PCDH15: variants seen among roughly 807,000 people sequenced by gnomAD.
PCDH15 encodes the protein protocadherin related 15.
Under a neutral mutation model 178.5 loss-of-function variants are expected in PCDH15, and 129 were observed. The observed-to-expected ratio is 0.72, with a 90% confidence interval of 0.63 to 0.84. The LOEUF is 0.84. PCDH15 is among the 40% of genes least tolerant of loss of function. PCDH15 has a pLI of 0.00. For missense variants in PCDH15, 2,230 were observed against 2,099.9 expected (o/e 1.06, Z -1.21); for synonymous variants, 800 against 732.0 (o/e 1.09, Z -1.50).
intron 2 of PCDH15, among the ~76,000 whole-genome samples, chr10:54,930,713 T>C (rs1268366281): frequency 6.6e-6 from 1 of 152,196 alleles, no homozygotes; most frequent in Non-Finnish European, 1.5e-5. Flanking sequence ...ATTAACATGA[T>C]ACTAACTTTC....
At chr10:55,336,100 C>T (rs183420934) in intron 2 of PCDH15, among the ~76,000 whole-genome samples, 167 of 124,590 alleles carry the variant, frequency 1.3e-3, no homozygotes, top group Non-Finnish European at 1.9e-3. Flanking sequence ...ACATGCTATC[C>T]CAAAATATGG....
intron 2 of PCDH15, among the ~76,000 whole-genome samples, chr10:54,647,276 C>T (rs1191115994): frequency 6.6e-6 from 1 of 151,986 alleles, no homozygotes; most frequent in Non-Finnish European, 1.5e-5. Flanking sequence ...GATACCAATC[C>T]TACAAAGTAT....
intron 2 of PCDH15, among the ~76,000 whole-genome samples, chr10:54,972,805 C>T (rs556654581): frequency 4.8e-4 from 68 of 142,262 alleles, no homozygotes; most frequent in African/African-American, 1.4e-3. Flanking sequence ...GCTGACATCG[C>T]GCCACTGCAC....
chr10:54,459,556 T>A (rs2077042537), intron 3 of PCDH15, among the ~76,000 whole-genome samples: 1 of 152,094 alleles, frequency 6.6e-6, no homozygotes, highest in South Asian at 2.1e-4. Flanking sequence ...TTAATATAAT[T>A]AGTCCCATAA....
intron 2 of PCDH15, among the ~76,000 whole-genome samples, chr10:54,566,366 T>G (rs1049182125): frequency 7.2e-5 from 11 of 152,274 alleles, no homozygotes; most frequent in African/African-American, 2.6e-4. Context: ...CTAGTTTATA[T>G]TAGGGTTTAT....
chr10:54,763,620 C>A (rs1159170395), intron 1 of PCDH15, among the ~76,000 whole-genome samples: 2 of 151,712 alleles, frequency 1.3e-5, no homozygotes, highest in Non-Finnish European at 2.9e-5. Flanking sequence ...TTGAAATGTT[C>A]CCAAAACAAA....
At chr10:54,479,092 A>G (rs189558833) in intron 3 of PCDH15, among the ~76,000 whole-genome samples, 63 of 152,096 alleles carry the variant, frequency 4.1e-4, no homozygotes, top group African/African-American at 1.5e-3. Flanking sequence ...ATATGGTAAT[A>G]CGTTTTGAAA....
chr10:54,777,323 C>G (rs1949819790), intron 1 of PCDH15, among the ~76,000 whole-genome samples: 3 of 152,128 alleles, frequency 2.0e-5, no homozygotes, highest in African/African-American at 7.2e-5. Flanking sequence ...TAGTGGTTCT[C>G]TTGAGATGCA....
chr10:54,368,968 A>T, intron 5 of PCDH15, 152 bp downstream of exon 5: 1 of 769,228 alleles, frequency 1.3e-6, no homozygotes, highest in Non-Finnish European at 2.1e-6. Context: ...GAAGTCACAT[A>T]CTTCTTCTGA....
In PCDH15 at chr10:55,443,090, C is replaced by T. The variant is rs1489422683; in HGVS notation, c.-156+184535G>A. On this transcript the variant is annotated intron_variant, in intron 2 of 5. Transcript: ENST00000613346. ...ATTGGGAAAACTGGCTAGCCATATG[C>T]AGAAAACTGAAACTGGACCCCTTCC... Among the ~76,000 whole-genome samples the T allele has an allele frequency of 2.0e-5, 3 of 151,962 alleles. No individual in the cohort carries two copies. In the South Asian group the frequency reaches 6.2e-4, roughly 31 times the overall value.
chr10:54,331,528 A>G (rs1467734705), intron 6 of PCDH15, among the ~76,000 whole-genome samples: 1 of 151,948 alleles, frequency 6.6e-6, no homozygotes, highest in Non-Finnish European at 1.5e-5. Flanking sequence ...GCTTATACCT[A>G]TGAGTGGGGC....
chr10:54,049,611 A>G (rs1590117156), intron 18 of PCDH15, among the ~76,000 whole-genome samples: 1 of 147,358 alleles, frequency 6.8e-6, no homozygotes, highest in African/African-American at 2.5e-5. Context: ...CTTTTTCTGC[A>G]TCTATTGTGA....
At chr10:54,666,557 T>C (rs150444874) in intron 1 of PCDH15, among the ~76,000 whole-genome samples, 8 of 152,150 alleles carry the variant, frequency 5.3e-5, no homozygotes, top group African/African-American at 1.9e-4. Context: ...AAGATTTCTA[T>C]ATACAATGGC....
At chr10:54,456,474 T>C (rs1195538473) in intron 3 of PCDH15, among the ~76,000 whole-genome samples, 1 of 152,204 alleles carries the variant, frequency 6.6e-6, no homozygotes, top group Admixed American at 6.5e-5. Flanking sequence ...ATTTAACCAA[T>C]GACTGTATCC....
chr10:55,126,149 G>T (rs1314766505), intron 2 of PCDH15, among the ~76,000 whole-genome samples: 1 of 151,880 alleles, frequency 6.6e-6, no homozygotes, highest in African/African-American at 2.4e-5. Flanking sequence ...CTTCATGCTG[G>T]TTCCATGTAT....
intron 2 of PCDH15, among the ~76,000 whole-genome samples, chr10:55,414,620 ATATTTTATTC>A (rs1252660582): frequency 6.6e-6 from 1 of 151,576 alleles, no homozygotes; most frequent in African/African-American, 2.4e-5. Flanking sequence ...GTATTAATAA[ATATTTTATTC>A]TTTTTGATGC....
chr10:53,911,869 A>T (rs1033283498), intron 25 of PCDH15, among the ~76,000 whole-genome samples: 3 of 152,204 alleles, frequency 2.0e-5, no homozygotes, highest in Admixed American at 6.5e-5. Context: ...ATAGAGGTAC[A>T]AAGAGGAGCT....
At chr10:55,489,852 G>A (rs1327445376) in intron 2 of PCDH15, among the ~76,000 whole-genome samples, 1 of 151,612 alleles carries the variant, frequency 6.6e-6, no homozygotes, top group Non-Finnish European at 1.5e-5. Context: ...CACTTTATGT[G>A]AAATGTGGAA....
At chr10:54,044,409 G>A (rs541168813) in intron 18 of PCDH15, among the ~76,000 whole-genome samples, 1 of 152,060 alleles carries the variant, frequency 6.6e-6, no homozygotes, top group Non-Finnish European at 1.5e-5. Flanking sequence ...GGAGAGCCTA[G>A]GTAGCACTCC....
Sources: allele counts gnomAD v4.1 joint callset (sites outside exome capture counted in the v4.1 genomes callset), GRCh38; gene constraint gnomAD v4.1.1; transcripts MANE v1.5; gene names NCBI Gene and HGNC (gene_info 2026-07-23, HGNC 2026-07-21).